The following ELAVL2 variants were observed in gnomAD, a reference collection of about 807,000 sequenced individuals.
ELAVL2 encodes ELAV-like protein 2.
Under a neutral mutation model 34.6 loss-of-function variants are expected in ELAVL2, and 4 were observed. That is an observed-to-expected ratio of 0.12 (90% CI 0.06 to 0.26). The LOEUF (loss-of-function observed/expected upper bound fraction) is 0.26, where lower values mean the gene tolerates loss of function less well. Among genes scored for constraint, ELAVL2 ranks in the 10% least tolerant of loss-of-function variants. ELAVL2 has a pLI of 1.00. For synonymous variants in ELAVL2, 193 were observed against 154.8 expected, an observed-to-expected ratio of 1.25 and a Z score of -1.83; for missense variants, 432 against 442.8, an observed-to-expected ratio of 0.98 and a Z score of 0.22.
intron 2 of ELAVL2, among the ~76,000 whole-genome samples, chr9:23,747,425 C>T (rs922850675): frequency 3.3e-5 from 5 of 152,250 alleles, no homozygotes; most frequent in East Asian, 1.9e-4. Flanking sequence ...GGGAGGACTA[C>T]GGTATTTCAT....
intron 5 of ELAVL2, among the ~76,000 whole-genome samples, chr9:23,697,410 A>G (rs2035635643): frequency 6.6e-6 from 1 of 152,218 alleles, no homozygotes; most frequent in African/African-American, 2.4e-5. Context: ...GACATTTATT[A>G]AGATATTAGG....
At chr9:23,710,483 A>G (rs1022780628) in intron 3 of ELAVL2, among the ~76,000 whole-genome samples, 4 of 152,238 alleles carry the variant, frequency 2.6e-5, no homozygotes, top group Non-Finnish European at 5.9e-5. Flanking sequence ...GATTAAAGTG[A>G]TAAGGTCTAT....
intron 1 of ELAVL2, among the ~76,000 whole-genome samples, chr9:23,793,537 TAG>T (rs1564491609): frequency 1.3e-5 from 2 of 152,064 alleles, no homozygotes; most frequent in African/African-American, 4.8e-5. Flanking sequence ...ACAAAACTAA[TAG>T]AGTCTCTCAG....
chr9:23,787,724 C>G (rs924786334), intron 1 of ELAVL2, among the ~76,000 whole-genome samples: 2 of 152,144 alleles, frequency 1.3e-5, no homozygotes, highest in Admixed American at 6.5e-5. Context: ...ATAAGAATCT[C>G]TCCTAAGGGC....
chr9:23,760,304 T>C (rs1249912383), intron 2 of ELAVL2, among the ~76,000 whole-genome samples: 1 of 152,042 alleles, frequency 6.6e-6, no homozygotes, highest in Non-Finnish European at 1.5e-5. Context: ...AACAGTTTCA[T>C]AACAAAACAT....
intron 2 of ELAVL2, among the ~76,000 whole-genome samples, chr9:23,754,223 G>A (rs548304389): frequency 1.3e-4 from 20 of 152,034 alleles, no homozygotes; most frequent in African/African-American, 4.1e-4. Context: ...AACAAATCTG[G>A]ATGATTAATG....
intron 3 of ELAVL2, among the ~76,000 whole-genome samples, chr9:23,707,365 C>T (rs1349994469): frequency 6.6e-6 from 1 of 152,132 alleles, no homozygotes; most frequent in Non-Finnish European, 1.5e-5. Flanking sequence ...GACGTGCATC[C>T]CTATCTAGGA....
intron 1 of ELAVL2, among the ~76,000 whole-genome samples, chr9:23,800,550 T>G (rs2061458106): frequency 6.6e-6 from 1 of 152,174 alleles, no homozygotes; most frequent in South Asian, 2.1e-4. Flanking sequence ...CCTATATGCT[T>G]AAGATATCAG....
intron 1 of ELAVL2, chr9:23,821,725 G>A (rs1274966896): frequency 6.6e-6 from 1 of 152,004 alleles, no homozygotes; most frequent in Non-Finnish European, 1.5e-5. Flanking sequence ...GGCGGGAAAG[G>A]GGACTGGAAG....
At chr9:23,748,778 G>A (rs760084704) in intron 2 of ELAVL2, among the ~76,000 whole-genome samples, 2 of 152,118 alleles carry the variant, frequency 1.3e-5, no homozygotes, top group Non-Finnish European at 2.9e-5. Flanking sequence ...GCCACTTGGA[G>A]AGGAAGAGAA....
At chr9:23,797,958 A>G (rs766598617) in intron 1 of ELAVL2, among the ~76,000 whole-genome samples, 2 of 152,120 alleles carry the variant, frequency 1.3e-5, no homozygotes, top group African/African-American at 2.4e-5. Flanking sequence ...GAAAAGAAAA[A>G]AAAAGTATGG....
intron 1 of ELAVL2, among the ~76,000 whole-genome samples, chr9:23,765,474 T>G (rs565837958): frequency 1.3e-5 from 2 of 152,206 alleles, no homozygotes; most frequent in Non-Finnish European, 2.9e-5. Context: ...TGAATGAAAT[T>G]TTATAGTGGG....
chr9:23,793,680 T>C (rs563796903), intron 1 of ELAVL2, among the ~76,000 whole-genome samples: 1 of 152,330 alleles, frequency 6.6e-6, no homozygotes, highest in South Asian at 2.1e-4. Context: ...ATTTTCATCA[T>C]GTGAGTGACA....
At chr9:23,738,265 G>A (rs931217210) in intron 2 of ELAVL2, among the ~76,000 whole-genome samples, 2 of 152,192 alleles carry the variant, frequency 1.3e-5, no homozygotes, top group Non-Finnish European at 2.9e-5. Context: ...TCAGAACAGA[G>A]GGATGCAGTT....
chr9:23,697,246 A>C (rs1395020109), intron 5 of ELAVL2, among the ~76,000 whole-genome samples: 1 of 152,248 alleles, frequency 6.6e-6, no homozygotes, highest in African/African-American at 2.4e-5. Context: ...TGGTACCAGT[A>C]AGGGAAATAC....
chr9:23,834,655 T>C, the ELAVL2 span, among the ~76,000 whole-genome samples: 1 of 152,072 alleles, frequency 6.6e-6, no homozygotes. Flanking sequence ...TACTGTCTCT[T>C]AAATATTTTC....
At chr9:23,720,973 A>T (rs1315354367) in intron 3 of ELAVL2, among the ~76,000 whole-genome samples, 1 of 152,144 alleles carries the variant, frequency 6.6e-6, no homozygotes, top group Admixed American at 6.5e-5. Context: ...ATAAACATTA[A>T]AGTGTTGGCA....
At chr9:23,821,903 GGC>G (rs1350347867) in intron 1 of ELAVL2, 3 of 151,126 alleles carry the variant, frequency 2.0e-5, no homozygotes, top group African/African-American at 7.3e-5. Context: ...CGGGGCCGGC[GGC>G]GAGTTCGCGG....
chr9:23,706,684 G>T (rs1455057648), intron 3 of ELAVL2, among the ~76,000 whole-genome samples: 1 of 152,162 alleles, frequency 6.6e-6, no homozygotes, highest in Non-Finnish European at 1.5e-5. Flanking sequence ...GAGGTAAAGT[G>T]ATAACTACTG....
Sources: allele counts gnomAD v4.1 joint callset (sites outside exome capture counted in the v4.1 genomes callset), GRCh38; gene constraint gnomAD v4.1.1; transcripts MANE v1.5; gene names NCBI Gene and HGNC (gene_info 2026-07-23, HGNC 2026-07-21).